The following GRXCR1 variants were observed in gnomAD, a reference collection of about 807,000 sequenced individuals.
The protein encoded by GRXCR1 is glutaredoxin domain-containing cysteine-rich protein 1.
GRXCR1 carries 27 observed loss-of-function variants against 27.3 expected under a neutral mutation model. The observed-to-expected ratio is 0.99, with a 90% CI of 0.73 to 1.37. The LOEUF (loss-of-function observed/expected upper bound fraction) is 1.37. GRXCR1 is among the 40% of genes most tolerant of loss of function. GRXCR1 has a pLI of 0.00. For missense variants in GRXCR1, 379 were observed against 354.4 expected (o/e 1.07, Z -0.56); for synonymous variants, 122 against 131.1 (o/e 0.93, Z 0.47).
At chr4:42,981,292 C>T (rs1012981138) in intron 2 of GRXCR1, among the ~76,000 whole-genome samples, 1 of 151,706 alleles carries the variant, frequency 6.6e-6, no homozygotes, top group African/African-American at 2.4e-5. Flanking sequence ...AAACTGAAAA[C>T]AATTTAACTT....
chr4:42,958,272 G>T (rs968439592), intron 1 of GRXCR1, among the ~76,000 whole-genome samples: 3 of 151,972 alleles, frequency 2.0e-5, no homozygotes, highest in African/African-American at 7.2e-5. Context: ...CCTGGTAACA[G>T]AAATAAACCC....
At chr4:42,967,245 T>C (rs899398453) in intron 2 of GRXCR1, among the ~76,000 whole-genome samples, 19 of 152,236 alleles carry the variant, frequency 1.2e-4, no homozygotes, top group African/African-American at 4.6e-4. Context: ...GTGTCTAGAT[T>C]AATTTTATTT....
At chr4:42,985,934 G>C (rs568352796) in intron 2 of GRXCR1, among the ~76,000 whole-genome samples, 1 of 151,904 alleles carries the variant, frequency 6.6e-6, no homozygotes, top group Non-Finnish European at 1.5e-5. Context: ...AGAGTTTCTG[G>C]CCCTCAGGAT....
intron 1 of GRXCR1, among the ~76,000 whole-genome samples, chr4:42,899,253 T>C (rs1746414485): frequency 1.3e-5 from 2 of 152,084 alleles, no homozygotes; most frequent in African/African-American, 4.8e-5. Flanking sequence ...TTCATTCCAT[T>C]CTTTCTTTTG....
At position 42,963,077 on chromosome 4, in the gene GRXCR1, A is replaced by T; in HGVS notation, c.570A>T (p.Arg190=). ...EYGKELDERC[R]RVSEAPSLPV... Reference sequence around the variant, plus strand: ...GAAAAGAGTTAGACGAACGATGCCGACGAGTTTCTGAAGCTCCTTCCCTCC... The same window carrying T: ...GAAAAGAGTTAGACGAACGATGCCGTCGAGTTTCTGAAGCTCCTTCCCTCC... Residue 190 remains arginine, a synonymous_variant, in exon 2 of 4, where the codon CGA becomes CGT. Coordinates refer to ENST00000399770, the MANE Select transcript of GRXCR1 (RefSeq NM_001080476.3). 1.2e-6 allele frequency: 2 copies of T among 1,612,846 alleles called. No homozygotes were observed. Among genetic ancestry groups the T allele is most frequent in the Non-Finnish European group, 1.7e-6 (2 of 1,179,062 alleles).
At chr4:42,936,424 C>A (rs905244702) in intron 1 of GRXCR1, among the ~76,000 whole-genome samples, 1 of 151,614 alleles carries the variant, frequency 6.6e-6, no homozygotes, top group African/African-American at 2.4e-5. Context: ...GGCCTTTTGC[C>A]TTTTAAAGAA....
intron 2 of GRXCR1, among the ~76,000 whole-genome samples, chr4:42,980,679 T>A (rs1455775458): frequency 6.6e-6 from 1 of 152,078 alleles, no homozygotes; most frequent in Non-Finnish European, 1.5e-5. Flanking sequence ...AAATACAATA[T>A]TTTCTTATTG....
intron 2 of GRXCR1, among the ~76,000 whole-genome samples, chr4:43,000,274 T>C (rs1290317528): frequency 2.0e-5 from 3 of 151,954 alleles, no homozygotes; most frequent in African/African-American, 7.3e-5. Flanking sequence ...GGTCAGGAGA[T>C]TGAGACCATC....
Position 42,936,511 on chromosome 4 carries a change from C to T in GRXCR1, c.385-26381C>T, listed in dbSNP as rs1204935424. ...CAAGGAGTTTCCATATGACCAACAC[C>T]CAACGTTTCCTATTATTAACATGTT... On this transcript the variant is annotated intron_variant, in intron 1 of 3. Coordinates refer to ENST00000399770, the MANE Select transcript of GRXCR1 (RefSeq NM_001080476.3). Among the ~76,000 whole-genome samples, 5 of 151,754 alleles carry T rather than the reference C, an allele frequency of 3.3e-5. No individual in the cohort carries two copies. The East Asian group carries it at 9.7e-4, about 30-fold the overall frequency.
rs977937167 is a variant in GRXCR1 at position 42,963,258 on chromosome 4, C to T, written c.627+124C>T. On this transcript the variant is annotated intron_variant, in intron 2 of 3. Transcript: ENST00000399770. ...CTTGCTGGTTTTTTTGGAGCTCAAA[C>T]CAAAGGGATTGGAGCACTTATTTCT... 2.1e-5 allele frequency: 23 copies of T among 1,094,062 alleles called. No homozygotes were observed. In the East Asian group the frequency reaches 5.4e-4, roughly 26 times the overall value. 67.8% of individuals were successfully genotyped at this position (1,094,062 alleles called of 1,614,324 possible).
intron 1 of GRXCR1, among the ~76,000 whole-genome samples, chr4:42,935,702 G>A (rs1418727845): frequency 6.6e-6 from 1 of 151,906 alleles, no homozygotes; most frequent in Non-Finnish European, 1.5e-5. Flanking sequence ...GTAAAAGGGT[G>A]TGAATGCCAG....
intron 1 of GRXCR1, among the ~76,000 whole-genome samples, chr4:42,949,330 T>G (rs912219446): frequency 1.7e-5 from 2 of 116,072 alleles, no homozygotes; most frequent in African/African-American, 3.4e-5. Context: ...CACTCCAGCC[T>G]GGCCACAGAC....
chr4:42,954,943 C>A (rs1560663339), intron 1 of GRXCR1, among the ~76,000 whole-genome samples: 1 of 152,102 alleles, frequency 6.6e-6, no homozygotes, highest in Non-Finnish European at 1.5e-5. Flanking sequence ...TTTATTTACT[C>A]AAATTTAGTA....
chr4:42,991,930 A>G lies in GRXCR1; in HGVS notation c.628-28424A>G, dbSNP rs563865910. On this transcript the variant is annotated intron_variant, in intron 2 of 3. Coordinates refer to ENST00000399770, the MANE Select transcript of GRXCR1 (RefSeq NM_001080476.3). ...AAGTGTTGTTTTGAAAGTATTTTTTATTTTTTCCTATAGGCATGTGGCTTC... is the reference window on the plus strand; with the variant it reads ...AAGTGTTGTTTTGAAAGTATTTTTTGTTTTTTCCTATAGGCATGTGGCTTC... Among the ~76,000 whole-genome samples the G allele has an allele frequency of 4.0e-5, 6 of 151,874 alleles. No individual in the cohort carries two copies. The South Asian group carries it at 8.3e-4, about 21-fold the overall frequency.
At chr4:42,991,537 A>G (rs920951627) in intron 2 of GRXCR1, among the ~76,000 whole-genome samples, 2 of 151,952 alleles carry the variant, frequency 1.3e-5, no homozygotes, top group Non-Finnish European at 2.9e-5. Context: ...GTTTAAGGGA[A>G]CAAGGTGGGA....
At chr4:42,909,682 C>G (rs954278073) in intron 1 of GRXCR1, among the ~76,000 whole-genome samples, 1 of 152,094 alleles carries the variant, frequency 6.6e-6, no homozygotes, top group Non-Finnish European at 1.5e-5. Flanking sequence ...GAAACTCTTC[C>G]TATTTTCTTT....
At chr4:42,993,428 C>A (rs1291945540) in intron 2 of GRXCR1, among the ~76,000 whole-genome samples, 1 of 151,904 alleles carries the variant, frequency 6.6e-6, no homozygotes, top group Non-Finnish European at 1.5e-5. Flanking sequence ...TTTTTAATTG[C>A]AGATGCTCTT....
chr4:42,981,085 T>C (rs189311988), intron 2 of GRXCR1, among the ~76,000 whole-genome samples: 7 of 151,992 alleles, frequency 4.6e-5, no homozygotes, highest in African/African-American at 1.7e-4. Flanking sequence ...GGTTATTTTA[T>C]AGATCTTTTC....
At chr4:42,932,428 C>T (rs1747333898) in intron 1 of GRXCR1, among the ~76,000 whole-genome samples, 4 of 108,656 alleles carry the variant, frequency 3.7e-5, no homozygotes, top group African/African-American at 1.4e-4. Context: ...ATACATTACT[C>T]CTCCAGAATT....
Sources: allele counts gnomAD v4.1 joint callset (sites outside exome capture counted in the v4.1 genomes callset), GRCh38; gene constraint gnomAD v4.1.1; transcripts MANE v1.5; gene names NCBI Gene and HGNC (gene_info 2026-07-23, HGNC 2026-07-21).